UPF3B: variants seen among roughly 807,000 people sequenced by gnomAD.
The protein encoded by UPF3B is regulator of nonsense transcripts 3B.
UPF3B carries 7 observed loss-of-function variants against 40.3 expected under a neutral mutation model. The observed-to-expected ratio is 0.17, with a 90% CI of 0.10 to 0.33. UPF3B has a LOEUF of 0.33. Among genes scored for constraint, UPF3B ranks in the 10% least tolerant of loss-of-function variants. The pLI, the probability that UPF3B is intolerant of heterozygous loss-of-function variation, is 1.00. For missense variants in UPF3B, 229 were observed against 358.9 expected, an observed-to-expected ratio of 0.64 and a Z score of 2.93; for synonymous variants, 117 against 117.3, an observed-to-expected ratio of 1.00 and a Z score of 0.01.
chrX:119,838,257 C>T (rs2056123181), intron 9 of UPF3B, 110 bp downstream of exon 9: 1 of 957,718 alleles, frequency 1.0e-6, no homozygotes, highest in East Asian at 3.1e-5. Context: ...TCCTCCTCAT[C>T]CCCCTGCCCT....
rs1290344445 is a variant in UPF3B, at chrX:119,851,262, CA to C, written c.370+232del. 2.7e-5 allele frequency among the ~76,000 whole-genome samples: 3 copies of C among 111,673 alleles called. No homozygotes were observed. In the East Asian group the frequency reaches 8.3e-4, roughly 31 times the overall value. On this transcript the variant is annotated intron_variant, in intron 3 of 10. Coordinates refer to ENST00000276201, the MANE Select transcript of UPF3B (RefSeq NM_080632.3). Reference sequence around the variant, plus strand: ...TCAAAACAGCAGGTTTAAGCCAGGGCAAAAAATGTGTCACACGAGGAGAAAA... The same window carrying C: ...TCAAAACAGCAGGTTTAAGCCAGGGCAAAAATGTGTCACACGAGGAGAAAA...
chrX:119,816,527 G>A (rs1425747687), intron 4 of UPF3B, among the ~76,000 whole-genome samples: 1 of 111,382 alleles, frequency 9.0e-6, no homozygotes, highest in Admixed American at 9.6e-5. Flanking sequence ...ATTGAAGAGG[G>A]TGGGGTGGGG....
intron 5 of UPF3B, among the ~76,000 whole-genome samples, chrX:119,842,605 TAC>T (rs543555558): frequency 1.2e-3 from 105 of 91,259 alleles, no homozygotes; most frequent in South Asian, 3.3e-3. Context: ...CACACACACA[TAC>T]ACACACACAC....
intron 6 of UPF3B, among the ~76,000 whole-genome samples, chrX:119,807,116 A>G (rs764114764): frequency 8.2e-5 from 9 of 109,492 alleles, no homozygotes; most frequent in Non-Finnish European, 1.3e-4. Flanking sequence ...ACCAGCTCTT[A>G]CTTTTCTCTC....
At chrX:119,820,492 C>A (rs2055906263) in intron 4 of UPF3B, among the ~76,000 whole-genome samples, 1 of 107,657 alleles carries the variant, frequency 9.3e-6, no homozygotes, top group African/African-American at 3.4e-5. Context: ...TGGAGTCTAA[C>A]TCTGTTGCTC....
chrX:119,821,906 A>G (rs1374020164), intron 4 of UPF3B, among the ~76,000 whole-genome samples: 1 of 112,280 alleles, frequency 8.9e-6, no homozygotes, highest in Non-Finnish European at 1.9e-5. Context: ...CATCAGAACA[A>G]AACAAACTGA....
downstream of UPF3B, among the ~76,000 whole-genome samples, chrX:119,832,798 GT>G (rs1253319268): frequency 1.8e-5 from 2 of 111,595 alleles, no homozygotes; most frequent in Non-Finnish European, 3.8e-5. Flanking sequence ...CCAACAAAAG[GT>G]TACAAAACCT....
intron 4 of UPF3B, among the ~76,000 whole-genome samples, chrX:119,844,438 C>A (rs910684401): frequency 3.6e-5 from 4 of 111,564 alleles, no homozygotes; most frequent in African/African-American, 1.3e-4. Flanking sequence ...ACAACTTCAG[C>A]TACTTTATAC....
chrX:119,807,002 C>T (rs113031461), intron 6 of UPF3B, among the ~76,000 whole-genome samples: 4 of 81,803 alleles, frequency 4.9e-5, no homozygotes, highest in Non-Finnish European at 8.7e-5. Flanking sequence ...GTACTCCAGG[C>T]TGGGCAACAG....
Position 119,834,871 on chromosome X carries a change from G to T in UPF3B, c.*7C>A, listed in dbSNP as rs750618218. On this transcript the variant is annotated 3_prime_UTR_variant, in exon 11 of 11. Transcript: ENST00000276201. The stretch of plus-strand genomic sequence containing the variant: ...ACAGTCAGGACACCTAAGGCCATCT[G>T]GACTTATCACTCCTCTCCTCCTTCT... 1.3e-5 allele frequency: 16 copies of T among 1,210,751 alleles called. No homozygotes were observed. The South Asian group carries it at 2.8e-4, about 21-fold the overall frequency.
chrX:119,835,728 C>T (rs1325256284), intron 10 of UPF3B, among the ~76,000 whole-genome samples: 2 of 112,037 alleles, frequency 1.8e-5, no homozygotes, highest in East Asian at 5.6e-4. Context: ...GTGGCTCATA[C>T]CTTTATTCCC....
intron 5 of UPF3B, among the ~76,000 whole-genome samples, chrX:119,810,401 T>C (rs2055819837): frequency 8.9e-6 from 1 of 111,814 alleles, no homozygotes. Flanking sequence ...GGAGGTGAAA[T>C]GTGGCTTTCC....
chrX:119,840,310 A>C (rs1287117395), intron 8 of UPF3B, among the ~76,000 whole-genome samples: 1 of 111,208 alleles, frequency 9.0e-6, no homozygotes, highest in Non-Finnish European at 1.9e-5. Context: ...AGGGAAAGGC[A>C]CATATTGCAG....
At chrX:119,827,646 C>T (rs1489990148) in intron 3 of UPF3B, among the ~76,000 whole-genome samples, 1 of 111,982 alleles carries the variant, frequency 8.9e-6, no homozygotes, top group Non-Finnish European at 1.9e-5. Context: ...CTGCATGCCT[C>T]GGCCTCCCAA....
intron 3 of UPF3B, 112 bp downstream of exon 3, chrX:119,851,383 G>A: frequency 1.8e-6 from 1 of 555,395 alleles, no homozygotes; most frequent in Non-Finnish European, 3.2e-6. Context: ...TTATAAGACT[G>A]CAATAAGCTT....
At chrX:119,843,960 A>G (rs1284425747) in intron 4 of UPF3B, among the ~76,000 whole-genome samples, 1 of 112,631 alleles carries the variant, frequency 8.9e-6, no homozygotes, top group Non-Finnish European at 1.9e-5. Context: ...TGTAACAGCT[A>G]TCTAACATAA....
At chrX:119,814,720 A>G (rs2055848822) in intron 5 of UPF3B, among the ~76,000 whole-genome samples, 1 of 111,987 alleles carries the variant, frequency 8.9e-6, no homozygotes, top group South Asian at 3.7e-4. Context: ...CCTTGCCATC[A>G]TCTTTTTCTG....
Position 119,835,099 on chromosome X carries a change from T to C in UPF3B, c.1303-72A>G, listed in dbSNP as rs149788073. On this transcript the variant is annotated intron_variant, in intron 10 of 10. Coordinates refer to ENST00000276201, the MANE Select transcript of UPF3B (RefSeq NM_080632.3). ...TTTTATATGGGATTTTTAAGAGTCA[T>C]AGTTATGTATGAATATATGCTCAAG... 1,085 of 1,136,406 alleles carry C rather than the reference T, an allele frequency of 9.5e-4. 10 individuals carry two copies. The African/African-American group carries it at 0.016, about 17-fold the overall frequency. The allele number at this position is 1,136,406 out of a possible 1,213,427, so 93.7% of individuals were successfully genotyped here. A position where few individuals can be genotyped will look rare whatever the true frequency, so the allele number is the denominator to read the frequency against.
At chrX:119,813,390 T>G (rs1217338324) in intron 5 of UPF3B, among the ~76,000 whole-genome samples, 2 of 109,398 alleles carry the variant, frequency 1.8e-5, no homozygotes, top group Non-Finnish European at 3.8e-5. Context: ...TGGCACCTCC[T>G]CCCCGCACTC....
Sources: allele counts gnomAD v4.1 joint callset (sites outside exome capture counted in the v4.1 genomes callset), GRCh38; gene constraint gnomAD v4.1.1; transcripts MANE v1.5; gene names NCBI Gene and HGNC (gene_info 2026-07-23, HGNC 2026-07-21).